The following CEP135 variants were observed in gnomAD, a reference collection of about 807,000 sequenced individuals.
CEP135 encodes centrosomal protein 135.
CEP135 carries 142 observed loss-of-function variants against 157.3 expected under a neutral mutation model. The observed-to-expected ratio is 0.90, with a 90% CI of 0.79 to 1.04. The LOEUF (loss-of-function observed/expected upper bound fraction) is 1.04, where lower values mean the gene tolerates loss of function less well. CEP135 is among the 50% of genes least tolerant of loss of function. CEP135 has a pLI of 0.00. For missense variants in CEP135, 1,317 were observed against 1,309.2 expected (o/e 1.01, Z -0.09); for synonymous variants, 396 against 439.8 (o/e 0.90, Z 1.25).
At chr4:56,001,308 G>A (rs1730162572) in intron 17 of CEP135, among the ~76,000 whole-genome samples, 1 of 152,106 alleles carries the variant, frequency 6.6e-6, no homozygotes, top group East Asian at 1.9e-4. Flanking sequence ...TGCTTTTAAA[G>A]TCTTACACAG....
rs1730827757 is a variant in CEP135 at position 56,017,786 on chromosome 4, T to G, written c.2941T>G (p.Cys981Gly). ...LNDLSSLRELCIKLDSGKDIM... is the reference protein window; with the variant it reads ...LNDLSSLRELGIKLDSGKDIM... ...TGACTTGTCATCTCTTAGAGAACTT[T>G]GCATTAAACTTGATTCAGGCAAAGA... Residue 981 changes from cysteine (C) to glycine (G), a missense_variant, in exon 22 of 26, where the codon TGC becomes GGC. Physicochemically the swap from Cys to Gly is radical, Grantham distance 159. Coordinates refer to ENST00000257287, the MANE Select transcript of CEP135 (RefSeq NM_025009.5). 3.1e-6 allele frequency: 5 copies of G among 1,613,778 alleles called. No homozygotes were observed. The South Asian group carries it at 5.5e-5, about 18-fold the overall frequency.
chr4:55,977,683 GAA>G (rs1729266599), intron 11 of CEP135, among the ~76,000 whole-genome samples: 2 of 152,104 alleles, frequency 1.3e-5, no homozygotes, highest in Non-Finnish European at 2.9e-5. Flanking sequence ...TTTGTGGTGA[GAA>G]TGTTAAAAAT....
intron 25 of CEP135, among the ~76,000 whole-genome samples, chr4:56,026,980 ATTAG>A (rs1731177488): frequency 3.9e-5 from 6 of 152,224 alleles, no homozygotes; most frequent in Admixed American, 3.3e-4. Flanking sequence ...CATTGTGAAC[ATTAG>A]TTATGTGCTA....
chr4:55,987,593 G>T (rs750019886), intron 14 of CEP135, among the ~76,000 whole-genome samples: 1 of 152,116 alleles, frequency 6.6e-6, no homozygotes, highest in Non-Finnish European at 1.5e-5. Flanking sequence ...ATTGCCTGGT[G>T]CCTATTGTCC....
chr4:55,991,950 A>G lies in CEP135; in HGVS notation c.1874A>G (p.Tyr625Cys). The G allele has an allele frequency of 6.7e-7, 1 of 1,487,844 alleles. No homozygotes were observed. Among genetic ancestry groups the G allele is most frequent in the Admixed American group, 2.1e-5 (1 of 46,680 alleles). The allele number at this position is 1,487,844 out of a possible 1,614,324, so 92.2% of individuals were successfully genotyped here. The stretch of plus-strand genomic sequence containing the variant: ...AAATTATAGCTTGAAAGCGAAAAAT[A>G]TGAATTAAAGTCTAAAGTGTTAATA... ...CVNHQLESEKYELKSKVLIMK... is the reference protein window; with the variant it reads ...CVNHQLESEKCELKSKVLIMK... Residue 625 changes from tyrosine to cysteine, a missense_variant, in exon 15 of 26, where the codon TAT becomes TGT. Coordinates refer to ENST00000257287, the MANE Select transcript of CEP135 (RefSeq NM_025009.5).
intron 19 of CEP135, among the ~76,000 whole-genome samples, chr4:56,010,895 A>G (rs1730559146): frequency 1.3e-5 from 2 of 152,184 alleles, no homozygotes; most frequent in Admixed American, 6.5e-5. Context: ...TGCCAGATAC[A>G]TGATCAGGAC....
chr4:55,988,230 G>A (rs1028648626), intron 14 of CEP135, among the ~76,000 whole-genome samples: 1 of 151,358 alleles, frequency 6.6e-6, no homozygotes. Flanking sequence ...TGTGGGGGGC[G>A]GGGGGTGAGG....
intron 21 of CEP135, among the ~76,000 whole-genome samples, chr4:56,012,852 TG>T (rs1331265495): frequency 6.6e-6 from 1 of 152,236 alleles, no homozygotes; most frequent in Non-Finnish European, 1.5e-5. Flanking sequence ...GCTATGAACA[TG>T]AGTATACAAA....
At chr4:55,978,901 A>G (rs560277735) in intron 11 of CEP135, among the ~76,000 whole-genome samples, 63 of 152,216 alleles carry the variant, frequency 4.1e-4, no homozygotes, top group Non-Finnish European at 6.6e-4. Flanking sequence ...TTTTATAGTT[A>G]CATTGGTTAA....
intron 22 of CEP135, 130 bp from the exon 23 acceptor site, chr4:56,019,223 C>A: frequency 1.5e-6 from 1 of 679,920 alleles, no homozygotes; most frequent in Non-Finnish European, 2.5e-6. Flanking sequence ...AGTTCATAAT[C>A]TTTAACCCAT....
intron 13 of CEP135, among the ~76,000 whole-genome samples, chr4:55,984,153 G>A (rs73817306): frequency 0.021 from 3,185 of 152,114 alleles, 113 homozygotes; most frequent in African/African-American, 0.073. Flanking sequence ...AACTGTTTTC[G>A]AGGACTTCAG....
chr4:56,029,186 T>C (rs963028067), intron 25 of CEP135, among the ~76,000 whole-genome samples: 1 of 152,252 alleles, frequency 6.6e-6, no homozygotes, highest in Non-Finnish European at 1.5e-5. Context: ...CGCGCCACCC[T>C]GTAAGCATCG....
rs1238756953 is a variant in CEP135, at chr4:56,009,777, C to T, written c.2379C>T (p.Asn793=). Reference sequence around the variant, plus strand: ...TGGTTAATCGAGATCGTGAGATAAACAGCCTCCGGCGCCAGCTTGATGCAG... The same window carrying T: ...TGGTTAATCGAGATCGTGAGATAAATAGCCTCCGGCGCCAGCTTGATGCAG... ...ETLVNRDREI[N]SLRRQLDAAH... Residue 793 remains asparagine (N), a synonymous_variant, in exon 19 of 26, where the codon AAC becomes AAT. Transcript: ENST00000257287. 1 of 1,612,856 alleles carries T rather than the reference C, an allele frequency of 6.2e-7. No individual in the cohort carries two copies. Among genetic ancestry groups the T allele is most frequent in the Non-Finnish European group, 8.5e-7 (1 of 1,179,782 alleles).
chr4:56,016,872 CTA>C (rs1730794403), intron 21 of CEP135, among the ~76,000 whole-genome samples: 1 of 152,138 alleles, frequency 6.6e-6, no homozygotes, highest in Admixed American at 6.5e-5. Flanking sequence ...CAGGTTCTCA[CTA>C]TGTTTCCCGG....
At chr4:55,997,606 A>G (rs1444366388) in intron 15 of CEP135, among the ~76,000 whole-genome samples, 3 of 152,174 alleles carry the variant, frequency 2.0e-5, no homozygotes, top group African/African-American at 7.2e-5. Context: ...AGAAGGCATT[A>G]TGATGTAGTA....
chr4:55,987,767 A>G (rs769784597), intron 14 of CEP135, among the ~76,000 whole-genome samples: 1 of 152,244 alleles, frequency 6.6e-6, no homozygotes, highest in African/African-American at 2.4e-5. Flanking sequence ...GAAAGAAACA[A>G]AGAAATAAGA....
chr4:55,975,028 T>G, intron 11 of CEP135, 59 bp downstream of exon 11: 1 of 1,239,592 alleles, frequency 8.1e-7, no homozygotes, highest in Non-Finnish European at 1.1e-6. Context: ...TTTTTCTGGT[T>G]TATTATTATA....
At chr4:55,994,185 AAT>A (rs961569723) in intron 15 of CEP135, among the ~76,000 whole-genome samples, 3 of 152,232 alleles carry the variant, frequency 2.0e-5, no homozygotes, top group Admixed American at 6.5e-5. Context: ...CAGTATGATT[AAT>A]AGAGCTCTTG....
intron 13 of CEP135, 69 bp downstream of exon 13, chr4:55,981,448 C>T (rs1048739333): frequency 3.5e-6 from 5 of 1,427,060 alleles, no homozygotes; most frequent in Admixed American, 5.2e-5. Context: ...ATACATTTTC[C>T]TGTGAAGTTA....
Sources: allele counts gnomAD v4.1 joint callset (sites outside exome capture counted in the v4.1 genomes callset), GRCh38; gene constraint gnomAD v4.1.1; transcripts MANE v1.5; gene names NCBI Gene and HGNC (gene_info 2026-07-23, HGNC 2026-07-21).